The following HECW2 variants were observed in gnomAD, a reference collection of about 807,000 sequenced individuals.
The protein encoded by HECW2 is E3 ubiquitin-protein ligase HECW2.
Under a neutral mutation model 175.2 loss-of-function variants are expected in HECW2, and 61 were observed. That is an observed-to-expected ratio of 0.35 (90% CI 0.28 to 0.43). The LOEUF (loss-of-function observed/expected upper bound fraction) is 0.43, where lower values mean the gene tolerates loss of function less well. Among genes scored for constraint, HECW2 ranks in the 20% least tolerant of loss-of-function variants. The pLI, the probability that HECW2 is intolerant of heterozygous loss-of-function variation, is 1.00. For synonymous variants in HECW2, 671 were observed against 731.0 expected (o/e 0.92, Z 1.32); for missense variants, 1,524 against 2,000.5 (o/e 0.76, Z 4.54).
intron 1 of HECW2, among the ~76,000 whole-genome samples, chr2:196,564,169 G>C (rs558051681): frequency 6.6e-6 from 1 of 152,138 alleles, no homozygotes; most frequent in Non-Finnish European, 1.5e-5. Flanking sequence ...ATGGGAAACA[G>C]ACAAATCCAG....
chr2:196,250,637 A>G (rs1688819900), intron 19 of HECW2, among the ~76,000 whole-genome samples: 1 of 152,078 alleles, frequency 6.6e-6, no homozygotes, highest in Admixed American at 6.5e-5. Flanking sequence ...AGTGTCATAC[A>G]CTTCTTTCAG....
Position 196,319,623 on chromosome 2 carries a change from T to C in HECW2, c.1267A>G (p.Ile423Val), listed in dbSNP as rs370271325. The change falls in exon 9 of 29, where the codon ATC (isoleucine) becomes GTC (valine). Residue 423 changes from isoleucine to valine, a missense_variant. Physicochemically the swap from Ile to Val is conservative, Grantham distance 29 (BLOSUM62 3). Around this residue, in one of 11 missense-constraint regions of HECW2, gnomAD observed 604 missense variants for 588.3 expected, o/e 1.03. Transcript: ENST00000644978. ...GGCCTGGAGTGGCCATTGTGTTCGA[T>C]AGCATCTAAGTAATCATTGAGTGAA... Reference protein sequence around the residue: ...QDSLNDYLDAIEHNGHSRPGT... With the variant: ...QDSLNDYLDAVEHNGHSRPGT... 7 of 1,614,128 alleles carry C rather than the reference T, an allele frequency of 4.3e-6. No individual in the cohort carries two copies. The highest frequency in any genetic ancestry group is 4.0e-5 in the African/African-American group (3 of 74,954).
At chr2:196,372,115 G>A (rs1693924904) in intron 2 of HECW2, among the ~76,000 whole-genome samples, 1 of 152,064 alleles carries the variant, frequency 6.6e-6, no homozygotes, top group Non-Finnish European at 1.5e-5. Flanking sequence ...ATGAAACTAT[G>A]GTCTCTCATT....
intron 2 of HECW2, among the ~76,000 whole-genome samples, chr2:196,430,057 A>C (rs1695663549): frequency 6.6e-6 from 1 of 152,216 alleles, no homozygotes; most frequent in East Asian, 1.9e-4. Context: ...TATCCAGCTA[A>C]GACATCAGAA....
At chr2:196,399,964 G>C (rs1559088308) in intron 2 of HECW2, among the ~76,000 whole-genome samples, 1 of 152,144 alleles carries the variant, frequency 6.6e-6, no homozygotes, top group Non-Finnish European at 1.5e-5. Flanking sequence ...GTCCTAAGGA[G>C]CACTCAACAA....
chr2:196,384,296 T>G (rs1433346378), intron 2 of HECW2, among the ~76,000 whole-genome samples: 1 of 152,126 alleles, frequency 6.6e-6, no homozygotes, highest in East Asian at 1.9e-4. Flanking sequence ...AAAAATTCTT[T>G]TAGGCTGAGC....
intron 20 of HECW2, among the ~76,000 whole-genome samples, chr2:196,241,052 T>C: frequency 6.6e-6 from 1 of 152,212 alleles, no homozygotes; most frequent in East Asian, 1.9e-4. Flanking sequence ...GCAGAGGAGT[T>C]TCCAATTGTT....
At chr2:196,300,743 A>G (rs988832304) in intron 13 of HECW2, among the ~76,000 whole-genome samples, 1 of 152,162 alleles carries the variant, frequency 6.6e-6, no homozygotes, top group African/African-American at 2.4e-5. Flanking sequence ...ATACACAGAC[A>G]TATATGTGTG....
intron 19 of HECW2, among the ~76,000 whole-genome samples, chr2:196,251,491 T>A (rs1192929644): frequency 6.6e-6 from 1 of 152,168 alleles, no homozygotes; most frequent in African/African-American, 2.4e-5. Context: ...TTTGGGAATC[T>A]CCCATTGATG....
chr2:196,464,296 A>G (rs564173711), intron 1 of HECW2, among the ~76,000 whole-genome samples: 1 of 152,314 alleles, frequency 6.6e-6, no homozygotes, highest in East Asian at 1.9e-4. Context: ...TAGGTTACAT[A>G]GGAGGGGAAA....
At chr2:196,330,348 A>G (rs16849714) in intron 4 of HECW2, among the ~76,000 whole-genome samples, 2,985 of 152,328 alleles carry the variant, frequency 0.02, 89 homozygotes, top group African/African-American at 0.068. Flanking sequence ...TACATTAGGA[A>G]GAAAAACCTT....
intron 2 of HECW2, among the ~76,000 whole-genome samples, chr2:196,379,452 G>T (rs1259473210): frequency 6.6e-6 from 1 of 152,224 alleles, no homozygotes; most frequent in African/African-American, 2.4e-5. Flanking sequence ...TTGGGAGGTC[G>T]AGGCGGGTGG....
intron 2 of HECW2, among the ~76,000 whole-genome samples, chr2:196,346,435 C>T (rs1692957431): frequency 6.6e-6 from 1 of 152,156 alleles, no homozygotes. Flanking sequence ...GTCAGCATCT[C>T]TTATTCTAAG....
chr2:196,308,277 A>T (rs935020784), intron 10 of HECW2, 192 bp from the exon 11 acceptor site: 3 of 403,760 alleles, frequency 7.4e-6, no homozygotes, highest in South Asian at 2.2e-4. Context: ...TATTTAGCCT[A>T]TCCTGTGCAT....
chr2:196,321,285 A>G (rs896296587), intron 7 of HECW2, among the ~76,000 whole-genome samples: 1 of 152,084 alleles, frequency 6.6e-6, no homozygotes, highest in African/African-American at 2.4e-5. Flanking sequence ...GGAGTTTTCC[A>G]TCTGTTTCAA....
chr2:196,239,943 G>C (rs1023100654), intron 21 of HECW2: 5 of 152,286 alleles, frequency 3.3e-5, no homozygotes, highest in Admixed American at 2.0e-4. Context: ...CAAGGGAAGA[G>C]AAAAACTGGA....
intron 1 of HECW2, among the ~76,000 whole-genome samples, chr2:196,561,268 G>A (rs550733595): frequency 5.9e-5 from 9 of 152,346 alleles, no homozygotes; most frequent in African/African-American, 1.7e-4. Context: ...GCCTCCTGCA[G>A]TGCCGCCAGG....
chr2:196,404,315 G>A lies in HECW2; in HGVS notation c.292+28817C>T, dbSNP rs1039917478. ...ACTTACTTGCCTAAGCATTAGTCAT[G>A]CCTCTCTCTGTCATGTCTGCTAGGA... On this transcript the variant is annotated intron_variant, in intron 2 of 28. Transcript: ENST00000644978. Among the ~76,000 whole-genome samples, 3 of 152,120 alleles carry A rather than the reference G, an allele frequency of 2.0e-5. 1 individual carries two copies. The highest frequency in any genetic ancestry group is 2.0e-4 in the Admixed American group (3 of 15,266).
intron 2 of HECW2, among the ~76,000 whole-genome samples, chr2:196,408,826 G>C (rs1274525995): frequency 6.6e-6 from 1 of 152,208 alleles, no homozygotes; most frequent in Non-Finnish European, 1.5e-5. Flanking sequence ...GGACTCGTTT[G>C]AAGTAAGCTA....
Sources: allele counts gnomAD v4.1 joint callset (sites outside exome capture counted in the v4.1 genomes callset), GRCh38; gene constraint gnomAD v4.1.1; regional missense constraint gnomAD v4.1.1; transcripts MANE v1.5; gene names NCBI Gene and HGNC (gene_info 2026-07-23, HGNC 2026-07-21).